The following DCBLD2 variants were observed in gnomAD, a reference collection of about 807,000 sequenced individuals.
DCBLD2 encodes the protein discoidin, CUB and LCCL domain-containing protein 2.
In DCBLD2, 54 loss-of-function variants were observed where a neutral mutation model predicts 86.8. The ratio of observed to expected loss-of-function variants is 0.62; its 90% CI spans 0.50 to 0.78. DCBLD2 has a LOEUF of 0.78. Ranked by LOEUF, DCBLD2 falls within the 30% of genes least tolerant of loss-of-function variation. The pLI, the probability that DCBLD2 is intolerant of heterozygous loss-of-function variation, is 0.00. For synonymous variants in DCBLD2, 354 were observed against 341.3 expected, an observed-to-expected ratio of 1.04 and a Z score of -0.41; for missense variants, 908 against 954.2, an observed-to-expected ratio of 0.95 and a Z score of 0.64.
chr3:98,881,266 C>CAA (rs35861171), intron 2 of DCBLD2, among the ~76,000 whole-genome samples: 6 of 136,824 alleles, frequency 4.4e-5, no homozygotes, highest in African/African-American at 8.1e-5. Context: ...AAAAAAAAAA[C>CAA]AAAAAAAAAA....
intron 3 of DCBLD2, among the ~76,000 whole-genome samples, chr3:98,848,026 A>T (rs1457435013): frequency 6.6e-6 from 1 of 152,116 alleles, no homozygotes; most frequent in East Asian, 1.9e-4. Context: ...TTTGTTCCAT[A>T]AGTAAGCTTG....
At chr3:98,815,345 G>T (rs1351911986) in intron 9 of DCBLD2, 1 of 152,128 alleles carries the variant, frequency 6.6e-6, no homozygotes, top group East Asian at 1.9e-4. Context: ...TTGTCTCAGT[G>T]GGGGAGAAAA....
chr3:98,847,866 G>A (rs747958327), intron 3 of DCBLD2, among the ~76,000 whole-genome samples: 1 of 152,144 alleles, frequency 6.6e-6, no homozygotes, highest in Non-Finnish European at 1.5e-5. Context: ...TATAGCAGGG[G>A]GAAATGAACA....
At chr3:98,841,728 C>T (rs1942625387) in intron 3 of DCBLD2, among the ~76,000 whole-genome samples, 1 of 152,142 alleles carries the variant, frequency 6.6e-6, no homozygotes, top group Non-Finnish European at 1.5e-5. Context: ...TTGCTGTAAA[C>T]ATTTTTGCAC....
At chr3:98,863,578 T>C (rs1191195898) in intron 2 of DCBLD2, among the ~76,000 whole-genome samples, 2 of 152,194 alleles carry the variant, frequency 1.3e-5, no homozygotes, top group Non-Finnish European at 1.5e-5. Context: ...AACCATCTGA[T>C]CTTTGACAAA....
chr3:98,834,472 C>A (rs1942390665), intron 3 of DCBLD2, among the ~76,000 whole-genome samples: 1 of 152,070 alleles, frequency 6.6e-6, no homozygotes, highest in South Asian at 2.1e-4. Context: ...CCCCTTTCAG[C>A]CTCCAGTAAC....
intron 2 of DCBLD2, among the ~76,000 whole-genome samples, chr3:98,856,234 G>A (rs1559787839): frequency 6.6e-6 from 1 of 152,146 alleles, no homozygotes; most frequent in African/African-American, 2.4e-5. Flanking sequence ...GTTCCCTCCA[G>A]TTAAATGCTG....
intron 2 of DCBLD2, among the ~76,000 whole-genome samples, chr3:98,876,822 T>C (rs985689024): frequency 6.6e-6 from 1 of 152,200 alleles, no homozygotes; most frequent in Non-Finnish European, 1.5e-5. Context: ...TGGAGTTCTA[T>C]ACTGCTATAA....
In DCBLD2 at chr3:98,800,736, C is replaced by CA; in HGVS notation, c.1721-21dup. On this transcript the variant is annotated intron_variant, in intron 14 of 15. Coordinates refer to ENST00000326840, the MANE Select transcript of DCBLD2 (RefSeq NM_080927.4). ...ACCAACCTTCATTGTGACGGCAAGC[C>CA]AAAGAGACCATTAAATAAAAACCTG... 1 of 1,613,540 alleles carries CA rather than the reference C, an allele frequency of 6.2e-7. No homozygotes were observed. Among genetic ancestry groups the CA allele is most frequent in the Non-Finnish European group, 8.5e-7 (1 of 1,179,732 alleles).
intron 2 of DCBLD2, among the ~76,000 whole-genome samples, chr3:98,862,987 A>C (rs1000515015): frequency 2.3e-4 from 35 of 152,248 alleles, no homozygotes; most frequent in Non-Finnish European, 4.3e-4. Context: ...ATCTACGCCC[A>C]AAATCTTCTT....
At chr3:98,867,314 C>T (rs1056129720) in intron 2 of DCBLD2, among the ~76,000 whole-genome samples, 4 of 152,166 alleles carry the variant, frequency 2.6e-5, no homozygotes, top group Admixed American at 1.3e-4. Flanking sequence ...GCCATTTTCA[C>T]GATATTGATT....
At chr3:98,804,028 C>T (rs1424020152) in intron 13 of DCBLD2, among the ~76,000 whole-genome samples, 2 of 152,134 alleles carry the variant, frequency 1.3e-5, no homozygotes, top group African/African-American at 4.8e-5. Context: ...GTGTCTCTGC[C>T]AGGCTTTGGT....
chr3:98,801,922 A>T (rs1266164212), intron 13 of DCBLD2: 2 of 301,368 alleles, frequency 6.6e-6, no homozygotes, highest in Non-Finnish European at 6.2e-6. Context: ...TCCATGGTGT[A>T]TATGTGCCAC....
intron 2 of DCBLD2, among the ~76,000 whole-genome samples, chr3:98,855,819 C>T (rs1011592800): frequency 6.6e-5 from 10 of 152,164 alleles, no homozygotes; most frequent in African/African-American, 2.4e-4. Context: ...TATGAAACTT[C>T]TACTTTAGCA....
At chr3:98,882,233 GAACA>G (rs1304728586) in intron 1 of DCBLD2, among the ~76,000 whole-genome samples, 4 of 151,936 alleles carry the variant, frequency 2.6e-5, no homozygotes, top group Admixed American at 6.6e-5. Context: ...TTTCAATTCT[GAACA>G]AATAAAAGTA....
rs185732582 is a variant in DCBLD2, at chr3:98,886,998, C to A, written c.206-5231G>T. On this transcript the variant is annotated intron_variant, in intron 1 of 15. Coordinates refer to ENST00000326840, the MANE Select transcript of DCBLD2 (RefSeq NM_080927.4). The stretch of plus-strand genomic sequence containing the variant: ...CTGATTCCATATGACTTTCCAGCCA[C>A]CCCCAGATTTTAGCCATATCACTAC... Among the ~76,000 whole-genome samples, 231 of 151,872 alleles carry A rather than the reference C, an allele frequency of 1.5e-3. 4 individuals are homozygous for A. Among genetic ancestry groups the A allele is most frequent in the Middle Eastern group, 0.014 (4 of 294 alleles).
At chr3:98,822,177 A>G (rs1173157523) in intron 6 of DCBLD2, 51 bp downstream of exon 6, 2 of 1,600,402 alleles carry the variant, frequency 1.2e-6, no homozygotes, top group Admixed American at 3.3e-5. Flanking sequence ...AGTGCTACCC[A>G]GAATGCTAAT....
intron 6 of DCBLD2, among the ~76,000 whole-genome samples, chr3:98,821,429 A>G (rs374506840): frequency 2.0e-5 from 3 of 152,380 alleles, no homozygotes. Context: ...CACTATAGTT[A>G]CCATGAAAAT....
At chr3:98,867,712 T>C (rs980189647) in intron 2 of DCBLD2, among the ~76,000 whole-genome samples, 1 of 152,100 alleles carries the variant, frequency 6.6e-6, no homozygotes, top group Non-Finnish European at 1.5e-5. Flanking sequence ...AGTTCAATTG[T>C]CATCAGACTT....
Sources: allele counts gnomAD v4.1 joint callset (sites outside exome capture counted in the v4.1 genomes callset), GRCh38; gene constraint gnomAD v4.1.1; transcripts MANE v1.5; gene names NCBI Gene and HGNC (gene_info 2026-07-23, HGNC 2026-07-21).